GKN1: variants seen among roughly 807,000 people sequenced by gnomAD.
The protein encoded by GKN1 is gastrokine 1.
GKN1 carries 17 observed loss-of-function variants against 19.7 expected under a neutral mutation model. The ratio of observed to expected loss-of-function variants is 0.86; its 90% CI spans 0.59 to 1.29. The LOEUF is 1.29. Ranked by LOEUF, GKN1 falls within the 50% of genes most tolerant of loss-of-function variation. The probability of loss-of-function intolerance (pLI) is 0.00; values close to 1 mark genes in which losing one functional copy is unlikely to be tolerated. For synonymous variants in GKN1, 96 were observed against 78.3 expected (o/e 1.23, Z -1.20); for missense variants, 218 against 224.5 (o/e 0.97, Z 0.19).
intron 4 of GKN1, 120 bp from the exon 5 acceptor site, chr2:68,979,793 G>A: frequency 1.4e-6 from 1 of 737,362 alleles, no homozygotes; most frequent in Non-Finnish European, 2.3e-6. Flanking sequence ...CTTGATTATG[G>A]AAAAATTTAG....
chr2:68,980,001 G>GA lies in GKN1; in HGVS notation c.410dup (p.Asn137LysfsTer15), dbSNP rs1383935583. On this transcript the variant is annotated frameshift_variant, in exon 5 of 6. Coordinates refer to ENST00000377938, the MANE Select transcript of GKN1 (RefSeq NM_019617.4). LOFTEE classifies it high-confidence loss of function. Reference sequence around the variant, plus strand: ...AAAGTCGATGACCTGAGCAAGTTCGGAAAAAACATTGCAAACATGTGTCGT... The same window carrying GA: ...AAAGTCGATGACCTGAGCAAGTTCGGAAAAAAACATTGCAAACATGTGTCGT... 3 of 1,613,946 alleles carry GA rather than the reference G, an allele frequency of 1.9e-6. No individual in the cohort carries two copies. The highest frequency in any genetic ancestry group is 2.5e-6 in the Non-Finnish European group (3 of 1,179,832).
chr2:68,977,817 A>T, intron 3 of GKN1, 43 bp downstream of exon 3: 1 of 1,505,802 alleles, frequency 6.6e-7, no homozygotes, highest in South Asian at 1.1e-5. Context: ...GTTTAAAAAT[A>T]CGATTTCTTT....
intron 1 of GKN1, among the ~76,000 whole-genome samples, chr2:68,975,307 T>C (rs1401145256): frequency 6.6e-6 from 1 of 152,180 alleles, no homozygotes; most frequent in Non-Finnish European, 1.5e-5. Flanking sequence ...TCACATTTGT[T>C]ACAGTAAAAT....
At position 68,980,008 on chromosome 2, in the gene GKN1, C is replaced by A. The variant is rs1670334509; in HGVS notation, c.411C>A (p.Asn137Lys). ...ATGACCTGAGCAAGTTCGGAAAAAA[C>A]ATTGCAAACATGTGTCGTGGGATTC... ...KVDDLSKFGK[N>K]IANMCRGIPT... The change falls in exon 5 of 6, where the codon AAC (asparagine) becomes AAA (lysine). Residue 137 changes from asparagine (N) to lysine (K), a missense_variant. Physicochemically the swap from Asn to Lys is moderately conservative, Grantham distance 94. Coordinates refer to ENST00000377938, the MANE Select transcript of GKN1 (RefSeq NM_019617.4). The A allele has an allele frequency of 6.2e-7, 1 of 1,613,878 alleles. No individual in the cohort carries two copies. Among genetic ancestry groups the A allele is most frequent in the Non-Finnish European group, 8.5e-7 (1 of 1,179,752 alleles).
At chr2:68,979,017 A>G (rs1243315165) in intron 4 of GKN1, 36 bp downstream of exon 4, 1 of 1,031,398 alleles carries the variant, frequency 9.7e-7, no homozygotes, top group Non-Finnish European at 1.5e-6. Flanking sequence ...TGGTGAGGGG[A>G]GAGGTTTTAC....
chr2:68,974,754 TAGG>T, intron 1 of GKN1, 65 bp downstream of exon 1: 1 of 1,095,594 alleles, frequency 9.1e-7, no homozygotes, highest in South Asian at 1.2e-5. Context: ...TTCTGAGATT[TAGG>T]AGGTCTGCTT....
intron 5 of GKN1, 63 bp downstream of exon 5, chr2:68,980,123 C>A: frequency 6.9e-7 from 1 of 1,454,412 alleles, no homozygotes; most frequent in Admixed American, 1.7e-5. Flanking sequence ...ACTATCCTCG[C>A]GCGTGTCCAT....
At chr2:68,977,377 G>T in intron 1 of GKN1, 118 bp from the exon 2 acceptor site, 3 of 746,802 alleles carry the variant, frequency 4.0e-6, no homozygotes, top group Non-Finnish European at 7.1e-6. Context: ...AAAACACATT[G>T]AACTAGAACT....
At chr2:68,974,797 T>A (rs1464377955) in intron 1 of GKN1, 108 bp downstream of exon 1, 2 of 778,318 alleles carry the variant, frequency 2.6e-6, no homozygotes, top group Non-Finnish European at 4.6e-6. Context: ...AAATTTGTTT[T>A]AAAAAAATTC....
intron 1 of GKN1, among the ~76,000 whole-genome samples, chr2:68,975,098 C>A (rs1438857176): frequency 6.6e-6 from 1 of 152,112 alleles, no homozygotes; most frequent in Non-Finnish European, 1.5e-5. Context: ...GAGCACCTCA[C>A]ACTGACCTAT....
In GKN1 at chr2:68,977,681, G is replaced by A; in HGVS notation, c.111G>A (p.Gln37=). Residue 37 remains glutamine, a synonymous_variant, in exon 3 of 6, where the codon CAG becomes CAA. Coordinates refer to ENST00000377938, the MANE Select transcript of GKN1 (RefSeq NM_019617.4). ...ACAACAACAATGCTGGAAGTGGGCAGCAGTCAGTGAGTGTCAACAATGAAC... is the reference window on the plus strand; with the variant it reads ...ACAACAACAATGCTGGAAGTGGGCAACAGTCAGTGAGTGTCAACAATGAAC... ...NDDNNNAGSG[Q]QSVSVNNEHN... is the part of the protein sequence containing the mutation. 6.2e-7 allele frequency: 1 copy of A among 1,608,264 alleles called. No individual in the cohort carries two copies. Among genetic ancestry groups the A allele is most frequent in the Non-Finnish European group, 8.5e-7 (1 of 1,174,710 alleles).
At chr2:68,980,125 C>T (rs1389913009) in intron 5 of GKN1, 65 bp downstream of exon 5, 25 of 1,434,276 alleles carry the variant, frequency 1.7e-5, no homozygotes, top group Admixed American at 5.0e-5. Context: ...TATCCTCGCG[C>T]GTGTCCATAG....
Position 68,974,692 on chromosome 2 carries a change from G to T in GKN1, c.12+3G>T. On this transcript the variant is annotated splice_donor_region_variant and intron_variant, in intron 1 of 5. Coordinates refer to ENST00000377938, the MANE Select transcript of GKN1 (RefSeq NM_019617.4). Reference sequence around the variant, plus strand: ...GTGAAGACAAGATGAAGTTCACAGTGAGTAGATTTTTCCTTTTGAATTTAC... The same window carrying T: ...GTGAAGACAAGATGAAGTTCACAGTTAGTAGATTTTTCCTTTTGAATTTAC... 2.5e-6 allele frequency: 4 copies of T among 1,571,424 alleles called. No homozygotes were observed. Among genetic ancestry groups the T allele is most frequent in the Non-Finnish European group, 3.5e-6 (4 of 1,140,984 alleles).
chr2:68,980,540 G>C (rs1034945991), intron 5 of GKN1, among the ~76,000 whole-genome samples, 189 bp from the exon 6 acceptor site: 4 of 152,176 alleles, frequency 2.6e-5, no homozygotes, highest in Non-Finnish European at 4.4e-5. Flanking sequence ...CACAAACAAA[G>C]TGTCTACCTA....
rs141054391 is a variant in GKN1, at chr2:68,977,675, T to C, written c.105T>C (p.Ser35=). 9.6e-5 allele frequency: 155 copies of C among 1,608,682 alleles called. No homozygotes were observed. The highest frequency in any genetic ancestry group is 1.3e-4 in the Non-Finnish European group (151 of 1,175,166). The change falls in exon 3 of 6, where the codon AGT becomes AGC. Residue 35 remains serine, a synonymous_variant. Coordinates refer to ENST00000377938, the MANE Select transcript of GKN1 (RefSeq NM_019617.4). The part of the protein sequence containing the change: ...NVNDDNNNAG[S]GQQSVSVNNE... Reference sequence around the variant, plus strand: ...ATGATGACAACAACAATGCTGGAAGTGGGCAGCAGTCAGTGAGTGTCAACA... The same window carrying C: ...ATGATGACAACAACAATGCTGGAAGCGGGCAGCAGTCAGTGAGTGTCAACA...
chr2:68,978,888 A>C lies in GKN1; in HGVS notation c.222A>C (p.Arg74Ser). The C allele has an allele frequency of 1.2e-6, 2 of 1,605,828 alleles. No individual in the cohort carries two copies. The highest frequency in any genetic ancestry group is 1.7e-6 in the Non-Finnish European group (2 of 1,173,516). ...TTTAACAGGGCTTTGCTGCAACCAG[A>C]CTCTTTCAAAAGAAGACATGCATTG... is the stretch of plus-strand genomic sequence containing the variant. Reference protein sequence around the residue: ...WDYGNGFAATRLFQKKTCIVH... With the variant: ...WDYGNGFAATSLFQKKTCIVH... Residue 74 changes from arginine to serine, a missense_variant, in exon 4 of 6, where the codon AGA becomes AGC. Physicochemically the swap from Arg to Ser is moderately radical, Grantham distance 110. Coordinates refer to ENST00000377938, the MANE Select transcript of GKN1 (RefSeq NM_019617.4).
rs985338306 is a variant in GKN1, at chr2:68,978,895, CAAAAG to C, written c.232_236del (p.Lys78AspfsTer19). 4 of 1,607,984 alleles carry C rather than the reference CAAAAG, an allele frequency of 2.5e-6. No individual in the cohort carries two copies. In the Admixed American group the frequency reaches 5.0e-5, roughly 20 times the overall value. On this transcript the variant is annotated frameshift_variant, in exon 4 of 6. Coordinates refer to ENST00000377938, the MANE Select transcript of GKN1 (RefSeq NM_019617.4). LOFTEE classifies it high-confidence loss of function. ...GGGCTTTGCTGCAACCAGACTCTTT[CAAAAG>C]AAGACATGCATTGTGCACAAAATGA... is the stretch of plus-strand genomic sequence containing the variant.
At chr2:68,975,462 C>T (rs1670245063) in intron 1 of GKN1, among the ~76,000 whole-genome samples, 1 of 152,064 alleles carries the variant, frequency 6.6e-6, no homozygotes, top group African/African-American at 2.4e-5. Context: ...ACCGAGAAAC[C>T]CTGCCAAAGT....
At chr2:68,975,728 T>A (rs1670249971) in intron 1 of GKN1, among the ~76,000 whole-genome samples, 1 of 152,210 alleles carries the variant, frequency 6.6e-6, no homozygotes, top group Non-Finnish European at 1.5e-5. Flanking sequence ...GGTATAAGTT[T>A]GGCCAACTCA....
Sources: gnomAD v4.1 joint callset for allele counts (sites outside exome capture counted in the v4.1 genomes callset) on GRCh38, gnomAD v4.1.1 for gene constraint, MANE v1.5 for transcripts, NCBI Gene and HGNC (gene_info 2026-07-23, HGNC 2026-07-21) for gene names.